RBFOX1: variants seen among roughly 807,000 people sequenced by gnomAD.
RBFOX1 encodes RNA binding protein fox-1 homolog 1.
A neutral mutation model predicts 57.7 loss-of-function variants in RBFOX1; 8 were observed. The observed-to-expected ratio is 0.14, with a 90% CI of 0.08 to 0.25. The LOEUF (loss-of-function observed/expected upper bound fraction) is 0.25. RBFOX1 is among the 10% of genes least tolerant of loss of function. The pLI is 1.00. For synonymous variants in RBFOX1, 326 were observed against 222.4 expected, an observed-to-expected ratio of 1.47 and a Z score of -4.15; for missense variants, 611 against 548.5, an observed-to-expected ratio of 1.11 and a Z score of -1.14.
intron 3 of RBFOX1, among the ~76,000 whole-genome samples, chr16:6,929,804 A>G (rs929827636): frequency 1.3e-5 from 2 of 152,184 alleles, no homozygotes; most frequent in Non-Finnish European, 1.5e-5. Context: ...TATTCAAAGA[A>G]GTTGCTCATG....
intron 4 of RBFOX1, among the ~76,000 whole-genome samples, chr16:7,511,259 C>G (rs11640247): frequency 0.11 from 16,826 of 152,212 alleles, 1,366 homozygotes; most frequent in African/African-American, 0.22. Context: ...GTTTTGCAAA[C>G]CCTGACTGGC....
chr16:6,691,883 T>C (rs1343340936), intron 3 of RBFOX1, among the ~76,000 whole-genome samples: 1 of 152,028 alleles, frequency 6.6e-6, no homozygotes, highest in Non-Finnish European at 1.5e-5. Flanking sequence ...AGTGGAAGAA[T>C]GGTCAGAAAG....
At chr16:6,921,574 G>T (rs909435140) in intron 3 of RBFOX1, among the ~76,000 whole-genome samples, 1 of 151,410 alleles carries the variant, frequency 6.6e-6, no homozygotes, top group African/African-American at 2.4e-5. Context: ...ATGGCAGCTT[G>T]CTTCTTCAAG....
At chr16:7,057,999 C>G (rs2052946737) in intron 4 of RBFOX1, among the ~76,000 whole-genome samples, 1 of 52,540 alleles carries the variant, frequency 1.9e-5, no homozygotes, top group Non-Finnish European at 4.5e-5. Flanking sequence ...CAGAGGGAGA[C>G]TGTGGGGAAA....
At position 6,845,327 on chromosome 16, in the gene RBFOX1, T is replaced by C. The variant is rs529205608; in HGVS notation, c.-16+190677T>C. The stretch of plus-strand genomic sequence containing the variant: ...TAGAGTTTTGGGTTTTACATTTAAC[T>C]CTTTAATCTTTCTTGAGTTAATTTT... On this transcript the variant is annotated intron_variant, in intron 3 of 15. Transcript: ENST00000550418. Among the ~76,000 whole-genome samples, 234 of 152,254 alleles carry C rather than the reference T, an allele frequency of 1.5e-3. 1 individual carries two copies. The highest frequency in any genetic ancestry group is 5.7e-4 in the Non-Finnish European group (39 of 68,018).
intron 1 of RBFOX1, among the ~76,000 whole-genome samples, chr16:5,385,376 A>G (rs2151402070): frequency 6.6e-6 from 1 of 152,348 alleles, no homozygotes; most frequent in African/African-American, 2.4e-5. Context: ...AGGATGTAAA[A>G]TATTTCCCTA....
At chr16:5,587,321 A>T (rs1182790744) in intron 2 of RBFOX1, among the ~76,000 whole-genome samples, 2 of 152,258 alleles carry the variant, frequency 1.3e-5, no homozygotes, top group African/African-American at 2.4e-5. Flanking sequence ...CAGTAATCAC[A>T]TGAAAAGATG....
At chr16:6,540,103 C>T (rs2096793022) in intron 2 of RBFOX1, among the ~76,000 whole-genome samples, 1 of 152,126 alleles carries the variant, frequency 6.6e-6, no homozygotes, top group Non-Finnish European at 1.5e-5. Flanking sequence ...TGCCCTCTGT[C>T]AGTTGAAGAA....
At chr16:5,493,693 C>G (rs939522672) in intron 2 of RBFOX1, among the ~76,000 whole-genome samples, 11 of 152,170 alleles carry the variant, frequency 7.2e-5, no homozygotes, top group African/African-American at 2.4e-4. Flanking sequence ...GAGGCCATGC[C>G]GAGTGTTGAC....
intron 4 of RBFOX1, among the ~76,000 whole-genome samples, chr16:7,387,917 T>G (rs1489897860): frequency 1.3e-5 from 2 of 152,202 alleles, no homozygotes; most frequent in African/African-American, 4.8e-5. Context: ...CACTTTCGCC[T>G]TTATTTTACG....
chr16:6,232,768 G>T (rs576109344), intron 1 of RBFOX1, among the ~76,000 whole-genome samples: 4 of 152,092 alleles, frequency 2.6e-5, no homozygotes, highest in Non-Finnish European at 5.9e-5. Flanking sequence ...CAGTGACCTC[G>T]AGGTCTTGCT....
intron 4 of RBFOX1, among the ~76,000 whole-genome samples, chr16:5,935,788 C>G (rs973750927): frequency 1.3e-5 from 2 of 152,208 alleles, no homozygotes; most frequent in Non-Finnish European, 2.9e-5. Context: ...AAATTCAAGT[C>G]TCCACATCCA....
At chr16:5,984,184 C>A (rs1437647535) in intron 4 of RBFOX1, among the ~76,000 whole-genome samples, 10 of 95,106 alleles carry the variant, frequency 1.1e-4, no homozygotes, top group African/African-American at 4.3e-4. Flanking sequence ...CCCTCCCCCT[C>A]CTCCTCTCCT....
intron 2 of RBFOX1, among the ~76,000 whole-genome samples, chr16:6,349,287 C>T (rs183375967): frequency 1.1e-3 from 168 of 152,288 alleles, no homozygotes; most frequent in Non-Finnish European, 2.0e-3. Flanking sequence ...GTGTAGAATT[C>T]ACTCAGCTGA....
At chr16:6,874,188 C>CAG (rs1005250583) in intron 3 of RBFOX1, among the ~76,000 whole-genome samples, 4 of 151,644 alleles carry the variant, frequency 2.6e-5, no homozygotes, top group Non-Finnish European at 5.9e-5. Flanking sequence ...TGCATACACA[C>CAG]ACAAACACAT....
At chr16:7,414,812 T>G (rs1330722985) in intron 4 of RBFOX1, among the ~76,000 whole-genome samples, 1 of 152,092 alleles carries the variant, frequency 6.6e-6, no homozygotes, top group Non-Finnish European at 1.5e-5. Context: ...GAGATGGGGT[T>G]TTGCCATGTT....
intron 4 of RBFOX1, among the ~76,000 whole-genome samples, chr16:7,052,548 C>A (rs144374132): frequency 2.6e-5 from 4 of 152,084 alleles, no homozygotes; most frequent in Admixed American, 2.6e-4. Flanking sequence ...TTTGTGTTAT[C>A]TATAGACCTC....
At chr16:6,601,770 A>G (rs1464242760) in intron 2 of RBFOX1, among the ~76,000 whole-genome samples, 3 of 152,220 alleles carry the variant, frequency 2.0e-5, no homozygotes, top group African/African-American at 4.8e-5. Context: ...GATATAGCTG[A>G]GTTTAACCAA....
At chr16:5,516,643 C>T (rs1235856967) in intron 2 of RBFOX1, among the ~76,000 whole-genome samples, 1 of 152,116 alleles carries the variant, frequency 6.6e-6, no homozygotes, top group Admixed American at 6.5e-5. Flanking sequence ...ACCCAAATCT[C>T]ATCTTGAGTT....
Sources: gnomAD v4.1 joint callset for allele counts (sites outside exome capture counted in the v4.1 genomes callset) on GRCh38, gnomAD v4.1.1 for gene constraint, MANE v1.5 for transcripts, NCBI Gene and HGNC (gene_info 2026-07-23, HGNC 2026-07-21) for gene names.